Variants in CCDC102B observed in about 807,000 individuals in gnomAD.
The protein encoded by CCDC102B is coiled-coil domain containing 102B.
CCDC102B carries 75 observed loss-of-function variants against 57.4 expected under a neutral mutation model. The observed-to-expected ratio is 1.31, with a 90% confidence interval of 1.08 to 1.58. The LOEUF is 1.58. Among genes scored for constraint, CCDC102B ranks in the 40% most tolerant of loss-of-function variants. The pLI, the probability that CCDC102B is intolerant of heterozygous loss-of-function variation, is 0.00. For synonymous variants in CCDC102B, 206 were observed against 201.9 expected, an observed-to-expected ratio of 1.02 and a Z score of -0.17; for missense variants, 636 against 582.6, an observed-to-expected ratio of 1.09 and a Z score of -0.94.
intron 7 of CCDC102B, among the ~76,000 whole-genome samples, chr18:69,027,909 T>A (rs576885644): frequency 6.6e-6 from 1 of 152,064 alleles, no homozygotes; most frequent in Admixed American, 6.6e-5. Context: ...ACAGATCCAA[T>A]TGGGGAAAAC....
intron 2 of CCDC102B, among the ~76,000 whole-genome samples, chr18:68,739,256 A>G (rs1452349793): frequency 1.3e-5 from 2 of 152,168 alleles, no homozygotes; most frequent in South Asian, 2.1e-4. Context: ...TTGGCCTCCT[A>G]AAGTGCTGAG....
intron 2 of CCDC102B, among the ~76,000 whole-genome samples, chr18:68,739,690 T>A (rs2033301310): frequency 6.6e-6 from 1 of 152,222 alleles, no homozygotes. Flanking sequence ...AATCAGAGAC[T>A]GTTTTACAAA....
chr18:68,877,130 G>T (rs1196672751), intron 5 of CCDC102B, among the ~76,000 whole-genome samples: 1 of 152,160 alleles, frequency 6.6e-6, no homozygotes, highest in Non-Finnish European at 1.5e-5. Flanking sequence ...CTTCTGAAAA[G>T]ATTTCTAGCT....
intron 4 of CCDC102B, among the ~76,000 whole-genome samples, 155 bp from the exon 5 acceptor site, chr18:68,874,514 C>G (rs571048228): frequency 6.6e-6 from 1 of 151,748 alleles, no homozygotes; most frequent in African/African-American, 2.4e-5. Context: ...ATAAACAGTT[C>G]AACCACAATC....
intron 6 of CCDC102B, among the ~76,000 whole-genome samples, chr18:68,991,215 A>T (rs575803967): frequency 2.1e-5 from 3 of 142,242 alleles, no homozygotes; most frequent in Admixed American, 1.5e-4. Flanking sequence ...TATTTTCTTC[A>T]TTTCTCTAGA....
intron 3 of CCDC102B, among the ~76,000 whole-genome samples, chr18:68,842,531 AAT>A (rs1336699115): frequency 1.3e-5 from 2 of 152,116 alleles, no homozygotes; most frequent in Non-Finnish European, 2.9e-5. Flanking sequence ...TTGACTTAGG[AAT>A]AGTGCATCAG....
intron 1 of CCDC102B, among the ~76,000 whole-genome samples, chr18:68,821,634 CTT>C (rs966068357): frequency 1.2e-4 from 18 of 151,626 alleles, no homozygotes; most frequent in African/African-American, 4.1e-4. Context: ...TTGCAAAGTT[CTT>C]TCTTTTCCTT....
At chr18:69,044,653 C>A (rs555509647) in intron 7 of CCDC102B, among the ~76,000 whole-genome samples, 3 of 152,226 alleles carry the variant, frequency 2.0e-5, no homozygotes, top group African/African-American at 7.2e-5. Flanking sequence ...GATAGTTTAA[C>A]ATTATTATTT....
chr18:69,007,373 G>C (rs1026733842), intron 6 of CCDC102B, among the ~76,000 whole-genome samples: 2 of 152,146 alleles, frequency 1.3e-5, no homozygotes, highest in South Asian at 4.1e-4. Flanking sequence ...TCAGATTGTT[G>C]TTGTCACTCA....
chr18:68,930,171 A>G (rs2041619181), intron 6 of CCDC102B, among the ~76,000 whole-genome samples: 1 of 150,264 alleles, frequency 6.7e-6, no homozygotes, highest in Non-Finnish European at 1.5e-5. Context: ...ATTTGATAAA[A>G]GTATTCAAGA....
chr18:68,773,264 A>G (rs2034701138), intron 2 of CCDC102B, among the ~76,000 whole-genome samples: 1 of 152,080 alleles, frequency 6.6e-6, no homozygotes. Flanking sequence ...AAAAGTTATA[A>G]GAATGTGTCT....
chr18:68,814,779 T>C (rs1869678473), intron 1 of CCDC102B, among the ~76,000 whole-genome samples: 1 of 152,038 alleles, frequency 6.6e-6, no homozygotes, highest in Non-Finnish European at 1.5e-5. Context: ...GCAACGAGCG[T>C]GTTTCCCAAA....
At chr18:68,924,105 C>T (rs1473468806) in intron 6 of CCDC102B, among the ~76,000 whole-genome samples, 3 of 147,890 alleles carry the variant, frequency 2.0e-5, no homozygotes, top group African/African-American at 7.4e-5. Flanking sequence ...ACAGTCTCTG[C>T]GTCTCAGCCC....
At chr18:68,845,652 A>T (rs1357609107) in intron 3 of CCDC102B, among the ~76,000 whole-genome samples, 2 of 151,796 alleles carry the variant, frequency 1.3e-5, no homozygotes, top group African/African-American at 4.8e-5. Context: ...ATTATCAATG[A>T]CTCAGACATT....
intron 5 of CCDC102B, among the ~76,000 whole-genome samples, chr18:68,888,851 G>A (rs1202585938): frequency 6.6e-6 from 1 of 152,132 alleles, no homozygotes; most frequent in Non-Finnish European, 1.5e-5. Flanking sequence ...TAAGTCATGT[G>A]TGGTATAACA....
At chr18:68,759,690 T>C (rs1355563944) in intron 2 of CCDC102B, among the ~76,000 whole-genome samples, 3 of 152,098 alleles carry the variant, frequency 2.0e-5, no homozygotes, top group South Asian at 2.1e-4. Context: ...ATAAGTCCTT[T>C]CTATCGAATG....
At position 68,846,338 on chromosome 18, in the gene CCDC102B, A is replaced by G; in HGVS notation, c.853A>G (p.Ile285Val). 6.3e-7 allele frequency: 1 copy of G among 1,576,334 alleles called. No individual in the cohort carries two copies. The highest frequency in any genetic ancestry group is 1.2e-5 in the South Asian group (1 of 85,426). Residue 285 changes from isoleucine to valine, a missense_variant, in exon 4 of 8, where the codon ATA becomes GTA. Transcript: ENST00000360242. ...AATGCGCACAGCTTTGGAAAAAGAA[A>G]TAGAGAGACTGGAGTCGGCTTTGTC... ...REMRTALEKE[I>V]ERLESALSLW...
chr18:68,870,597 G>T (rs1006027145), intron 4 of CCDC102B, among the ~76,000 whole-genome samples: 1 of 152,172 alleles, frequency 6.6e-6, no homozygotes, highest in Non-Finnish European at 1.5e-5. Context: ...TTTTAGAAGA[G>T]ATGTCTCTGT....
intron 2 of CCDC102B, among the ~76,000 whole-genome samples, chr18:68,738,993 C>CTTAT (rs1555695902): frequency 6.9e-6 from 1 of 144,972 alleles, no homozygotes; most frequent in Non-Finnish European, 1.5e-5. Context: ...GATGAGCAGC[C>CTTAT]TTTTGTTTTT....
Sources: allele counts gnomAD v4.1 joint callset (sites outside exome capture counted in the v4.1 genomes callset), GRCh38; gene constraint gnomAD v4.1.1; transcripts MANE v1.5; gene names NCBI Gene and HGNC (gene_info 2026-07-23, HGNC 2026-07-21).